BARD1: variants seen among roughly 807,000 people sequenced by gnomAD.
BARD1 encodes the protein BRCA1 associated RING domain 1.
BARD1 carries 73 observed loss-of-function variants against 77.0 expected under a neutral mutation model. That is an observed-to-expected ratio of 0.95 (90% CI 0.79 to 1.15). The LOEUF is 1.15. BARD1 is among the 50% of genes most tolerant of loss of function. The pLI is 0.00. For synonymous variants in BARD1, 384 were observed against 338.0 expected (o/e 1.14, Z -1.49); for missense variants, 993 against 938.8 (o/e 1.06, Z -0.75).
At chr2:214,758,081 G>C (rs558914810) in intron 6 of BARD1, among the ~76,000 whole-genome samples, 3 of 152,058 alleles carry the variant, frequency 2.0e-5, no homozygotes, top group Non-Finnish European at 4.4e-5. Flanking sequence ...TCCTCCCAAA[G>C]GCAATAAGAA....
intron 4 of BARD1, among the ~76,000 whole-genome samples, chr2:214,774,849 C>G (rs1366308327): frequency 1.3e-5 from 2 of 152,226 alleles, no homozygotes; most frequent in African/African-American, 4.8e-5. Flanking sequence ...CCATCAGCAC[C>G]TGCTGTTTCA....
At chr2:214,781,918 CA>C (rs778013627) in intron 3 of BARD1, among the ~76,000 whole-genome samples, 6 of 152,062 alleles carry the variant, frequency 3.9e-5, no homozygotes, top group Non-Finnish European at 8.8e-5. Flanking sequence ...CCAATTGTTC[CA>C]AACAGATTTA....
At chr2:214,744,984 G>T in intron 9 of BARD1, 83 bp downstream of exon 9, 1 of 1,202,138 alleles carries the variant, frequency 8.3e-7, no homozygotes, top group Non-Finnish European at 1.2e-6. Flanking sequence ...TTAACATCAA[G>T]TTCCTTAATC....
chr2:214,728,901 G>A lies in BARD1; in HGVS notation c.2109C>T (p.Leu703=), dbSNP rs2105987417. The change falls in exon 11 of 11, where the codon CTC becomes CTT. Residue 703 remains leucine (L), a synonymous_variant. Coordinates refer to ENST00000260947, the MANE Select transcript of BARD1 (RefSeq NM_000465.4). The stretch of plus-strand genomic sequence containing the variant: ...CACTGTCTGGCTTGGGCTTTCTACT[G>A]AGGATCTGGCCCCCACCTGCAGTGA... ...KLVTAGGGQI[L]SRKPKPDSDV... 6.2e-7 allele frequency: 1 copy of A among 1,614,196 alleles called. No individual in the cohort carries two copies. Among genetic ancestry groups the A allele is most frequent in the South Asian group, 1.1e-5 (1 of 91,090 alleles).
chr2:214,766,078 A>G (rs1694181593), intron 6 of BARD1, among the ~76,000 whole-genome samples: 1 of 152,190 alleles, frequency 6.6e-6, no homozygotes, highest in African/African-American at 2.4e-5. Flanking sequence ...TTTTCATTTC[A>G]ACTACTTAAT....
chr2:214,747,808 T>C (rs1693204793), intron 7 of BARD1, among the ~76,000 whole-genome samples: 1 of 151,756 alleles, frequency 6.6e-6, no homozygotes, highest in African/African-American at 2.4e-5. Flanking sequence ...TATACATATG[T>C]AACAAACCTG....
chr2:214,769,232 C>T lies in BARD1; in HGVS notation c.1395G>A (p.Leu465=), dbSNP rs755655218. Residue 465 remains leucine, a splice_region_variant and synonymous_variant, in exon 5 of 11, where the codon TTG becomes TTA. Transcript: ENST00000260947. ...ATGAGAATAAAAACCAGACAACTAC[C>T]AATGGTGTCCATCCAGCATGGTCTT... ...NVKDHAGWTP[L]HEACNHGHLK... is the part of the protein sequence containing the mutation. 2 of 1,609,466 alleles carry T rather than the reference C, an allele frequency of 1.2e-6. No homozygotes were observed. The highest frequency in any genetic ancestry group is 2.2e-5 in the South Asian group (2 of 90,976).
At chr2:214,729,772 C>T (rs1692267260) in intron 10 of BARD1, among the ~76,000 whole-genome samples, 1 of 152,126 alleles carries the variant, frequency 6.6e-6, no homozygotes, top group Non-Finnish European at 1.5e-5. Context: ...ACAAGAGTAA[C>T]ATCTTTTCCG....
chr2:214,793,637 G>A (rs1695627510), intron 2 of BARD1, among the ~76,000 whole-genome samples: 1 of 152,170 alleles, frequency 6.6e-6, no homozygotes, highest in Admixed American at 6.5e-5. Flanking sequence ...AAGAAAATGA[G>A]ATCCAGTTAT....
chr2:214,788,020 A>C (rs1166650349), intron 3 of BARD1, among the ~76,000 whole-genome samples: 1 of 152,044 alleles, frequency 6.6e-6, no homozygotes, highest in Non-Finnish European at 1.5e-5. Flanking sequence ...AGTACTATTT[A>C]AGAAAAACAA....
intron 6 of BARD1, among the ~76,000 whole-genome samples, chr2:214,761,714 A>G (rs1440148974): frequency 6.6e-6 from 1 of 152,166 alleles, no homozygotes; most frequent in East Asian, 1.9e-4. Context: ...CAGTCTTGTT[A>G]GAAAATAATA....
chr2:214,744,268 T>G (rs1046210827), intron 9 of BARD1, among the ~76,000 whole-genome samples: 4 of 152,148 alleles, frequency 2.6e-5, no homozygotes, highest in South Asian at 2.1e-4. Context: ...GAGGTTGAGA[T>G]AGCTGGTATA....
intron 4 of BARD1, among the ~76,000 whole-genome samples, chr2:214,779,921 T>A (rs1694901378): frequency 6.6e-6 from 1 of 152,200 alleles, no homozygotes; most frequent in African/African-American, 2.4e-5. Context: ...TTTCAAAGAT[T>A]AACCACTGCC....
chr2:214,790,016 T>G (rs962881305), intron 3 of BARD1, among the ~76,000 whole-genome samples: 1 of 152,190 alleles, frequency 6.6e-6, no homozygotes, highest in Non-Finnish European at 1.5e-5. Flanking sequence ...AAACTTGTTC[T>G]AAACTCAATT....
intron 9 of BARD1, among the ~76,000 whole-genome samples, chr2:214,737,060 T>C (rs905084454): frequency 7.2e-5 from 11 of 152,124 alleles, no homozygotes; most frequent in Admixed American, 6.6e-5. Context: ...TGTTATAGCA[T>C]AGAAAATCTC....
chr2:214,793,959 C>A (rs1254564081), intron 2 of BARD1, among the ~76,000 whole-genome samples: 5 of 151,956 alleles, frequency 3.3e-5, no homozygotes, highest in Admixed American at 3.3e-4. Context: ...CTAAAGAAAA[C>A]AGCACTTGTT....
chr2:214,745,997 C>T, intron 7 of BARD1, 143 bp from the exon 8 acceptor site: 1 of 995,972 alleles, frequency 1.0e-6, no homozygotes, highest in African/African-American at 1.6e-5. Flanking sequence ...TGAATCTACA[C>T]CCAGAACCTT....
chr2:214,767,132 T>C (rs527752196), intron 6 of BARD1, among the ~76,000 whole-genome samples: 2 of 152,302 alleles, frequency 1.3e-5, no homozygotes, highest in Admixed American at 6.5e-5. Context: ...AGCTCCATCA[T>C]GTGCCCACAA....
At chr2:214,796,393 AG>A (rs1168214965) in intron 2 of BARD1, among the ~76,000 whole-genome samples, 5 of 152,250 alleles carry the variant, frequency 3.3e-5, no homozygotes, top group Non-Finnish European at 5.9e-5. Flanking sequence ...CATTAGGGTG[AG>A]CCCTTAATAT....
Sources: gnomAD v4.1 joint callset for allele counts (sites outside exome capture counted in the v4.1 genomes callset) on GRCh38, gnomAD v4.1.1 for gene constraint, MANE v1.5 for transcripts, NCBI Gene and HGNC (gene_info 2026-07-23, HGNC 2026-07-21) for gene names.